The following COG6 variants were observed in gnomAD, a reference collection of about 807,000 sequenced individuals.
COG6 encodes conserved oligomeric Golgi complex subunit 6.
In COG6, 74 loss-of-function variants were observed where a neutral mutation model predicts 88.8. That is an observed-to-expected ratio of 0.83 (90% CI 0.69 to 1.01). The LOEUF is 1.01. Among genes scored for constraint, COG6 ranks in the 50% least tolerant of loss-of-function variants. The pLI is 0.00. For missense variants in COG6, 800 were observed against 797.9 expected, an observed-to-expected ratio of 1.00 and a Z score of -0.03; for synonymous variants, 286 against 278.7, an observed-to-expected ratio of 1.03 and a Z score of -0.26.
At chr13:39,755,488 C>T (rs1880803506), downstream of COG6, among the ~76,000 whole-genome samples, 1 of 152,130 alleles carries the variant, frequency 6.6e-6, no homozygotes, top group Non-Finnish European at 1.5e-5. Flanking sequence ...CTACATGAAG[C>T]AATGGGTAAA....
chr13:39,767,993 G>A (rs769480122), intron 18 of COG6, among the ~76,000 whole-genome samples: 10 of 152,224 alleles, frequency 6.6e-5, no homozygotes, highest in Admixed American at 3.9e-4. Context: ...GCCACAAGCC[G>A]GGGGTTTCCA....
chr13:39,770,057 C>T (rs923759305), intron 18 of COG6, among the ~76,000 whole-genome samples: 3 of 152,230 alleles, frequency 2.0e-5, no homozygotes, highest in Non-Finnish European at 4.4e-5. Flanking sequence ...TATAGTACCA[C>T]ACACAATTTA....
chr13:39,752,645 T>C, downstream of COG6: 1 of 1,258,610 alleles, frequency 7.9e-7, no homozygotes, highest in South Asian at 1.3e-5. Context: ...GCAGCAATTA[T>C]TGCAGCTGTC....
At chr13:39,660,670 A>G (rs1874838304) in intron 2 of COG6, 140 bp from the exon 3 acceptor site, 1 of 644,348 alleles carries the variant, frequency 1.6e-6, no homozygotes, top group African/African-American at 1.8e-5. Context: ...AATCATTTCC[A>G]ATTTTAAATA....
intron 11 of COG6, among the ~76,000 whole-genome samples, chr13:39,693,040 T>A (rs1057424832): frequency 4.6e-5 from 7 of 151,986 alleles, no homozygotes; most frequent in African/African-American, 1.7e-4. Context: ...GTTTCTCCTG[T>A]GACTGTTGGG....
intron 4 of COG6, among the ~76,000 whole-genome samples, chr13:39,670,367 A>T (rs1394017658): frequency 6.6e-6 from 1 of 152,128 alleles, no homozygotes; most frequent in Non-Finnish European, 1.5e-5. Flanking sequence ...CAGAAAAATA[A>T]TCTCTGGAGA....
At chr13:39,667,312 TACTA>T (rs776434027) in intron 4 of COG6, among the ~76,000 whole-genome samples, 27 of 152,324 alleles carry the variant, frequency 1.8e-4, no homozygotes, top group Admixed American at 4.6e-4. Flanking sequence ...CCTTTTTGTT[TACTA>T]ACTACCTTCT....
intron 18 of COG6, among the ~76,000 whole-genome samples, chr13:39,766,117 C>T (rs1057512809): frequency 1.3e-5 from 2 of 152,178 alleles, no homozygotes; most frequent in Non-Finnish European, 2.9e-5. Flanking sequence ...CCTCTGTCTC[C>T]ACCCTTCTCG....
chr13:39,757,123 A>T (rs574330852), downstream of COG6, among the ~76,000 whole-genome samples: 24 of 152,344 alleles, frequency 1.6e-4, 1 homozygote, highest in South Asian at 4.1e-3. Flanking sequence ...AAAAGATTGA[A>T]ATTATACAAA....
rs59023534 is a variant in COG6 at position 39,721,879 on chromosome 13, A to T, written c.1585-1454A>T. Among the ~76,000 whole-genome samples, 987 of 152,068 alleles carry T rather than the reference A, an allele frequency of 6.5e-3. 10 individuals are homozygous for T. The highest frequency in any genetic ancestry group is 0.022 in the African/African-American group (916 of 41,508). On this transcript the variant is annotated intron_variant, in intron 15 of 18. Coordinates refer to ENST00000455146, the MANE Select transcript of COG6 (RefSeq NM_020751.3). Reference sequence around the variant, plus strand: ...ATCTGGTAACTTACAGGGATTTTCCATTGAGTTTATATGTTTTCCCAGGAT... The same window carrying T: ...ATCTGGTAACTTACAGGGATTTTCCTTTGAGTTTATATGTTTTCCCAGGAT...
At chr13:39,787,294 A>G (rs535977052) in intron 18 of COG6, among the ~76,000 whole-genome samples, 70 of 152,268 alleles carry the variant, frequency 4.6e-4, no homozygotes, top group South Asian at 2.7e-3. Flanking sequence ...ATTGGTAGGA[A>G]AGTGTGGGAG....
intron 18 of COG6, among the ~76,000 whole-genome samples, chr13:39,740,103 C>A (rs533212213): frequency 2.6e-5 from 4 of 152,186 alleles, no homozygotes; most frequent in African/African-American, 7.2e-5. Context: ...TCTAAAAGAT[C>A]TGACTAAATA....
chr13:39,723,094 G>A (rs1282535718), intron 15 of COG6, among the ~76,000 whole-genome samples: 1 of 151,954 alleles, frequency 6.6e-6, no homozygotes, highest in Non-Finnish European at 1.5e-5. Context: ...CTTTTAAAAG[G>A]GCTGAGAAGC....
At position 39,676,953 on chromosome 13, in the gene COG6, G is replaced by A. The variant is rs570444042; in HGVS notation, c.429-515G>A. ...TGTAGAAAAAGTGGGGAAGACCAAAGTGGATAAGTGACTAGCAATTTATGG... is the reference window on the plus strand; with the variant it reads ...TGTAGAAAAAGTGGGGAAGACCAAAATGGATAAGTGACTAGCAATTTATGG... On this transcript the variant is annotated intron_variant, in intron 4 of 18. Coordinates refer to ENST00000455146, the MANE Select transcript of COG6 (RefSeq NM_020751.3). 5.9e-5 allele frequency among the ~76,000 whole-genome samples: 9 copies of A among 152,238 alleles called. No homozygotes were observed. In the East Asian group the frequency reaches 1.7e-3, roughly 29 times the overall value.
At chr13:39,660,500 A>G (rs2137944375) in intron 2 of COG6, among the ~76,000 whole-genome samples, 1 of 152,326 alleles carries the variant, frequency 6.6e-6, no homozygotes, top group East Asian at 1.9e-4. Context: ...CAAACATAAG[A>G]CTATTTGAAC....
chr13:39,734,231 C>T (rs900035461), intron 18 of COG6, among the ~76,000 whole-genome samples: 9 of 151,940 alleles, frequency 5.9e-5, no homozygotes, highest in African/African-American at 1.9e-4. Context: ...TTTTTGTAGG[C>T]ACTTACAGCT....
At chr13:39,754,072 C>T (rs1168536865), downstream of COG6, among the ~76,000 whole-genome samples, 1 of 152,080 alleles carries the variant, frequency 6.6e-6, no homozygotes, top group Non-Finnish European at 1.5e-5. Context: ...AAATTCTATC[C>T]TTTCCAGTCT....
intron 17 of COG6, 98 bp from the exon 18 acceptor site, chr13:39,727,371 T>G: frequency 3.3e-6 from 3 of 914,132 alleles, no homozygotes; most frequent in Non-Finnish European, 1.8e-6. Flanking sequence ...GTATGGAATT[T>G]TTCTCAAGGA....
chr13:39,761,112 A>C (rs974189238), intron 18 of COG6, among the ~76,000 whole-genome samples: 4 of 152,072 alleles, frequency 2.6e-5, no homozygotes. Context: ...AGGAGAATTG[A>C]TATCTTTATA....
Sources: gnomAD v4.1 joint callset for allele counts (sites outside exome capture counted in the v4.1 genomes callset) on GRCh38, gnomAD v4.1.1 for gene constraint, MANE v1.5 for transcripts, NCBI Gene and HGNC (gene_info 2026-07-23, HGNC 2026-07-21) for gene names.